Variants in CABCOCO1 observed in about 807,000 individuals in gnomAD.
CABCOCO1 encodes the protein ciliary-associated calcium-binding coiled-coil protein 1.
Under a neutral mutation model 35.7 loss-of-function variants are expected in CABCOCO1, and 28 were observed. The ratio of observed to expected loss-of-function variants is 0.78; its 90% CI spans 0.58 to 1.07. The LOEUF (loss-of-function observed/expected upper bound fraction) is 1.07. Among genes scored for constraint, CABCOCO1 ranks in the 50% least tolerant of loss-of-function variants. The pLI is 0.00. For synonymous variants in CABCOCO1, 95 were observed against 100.1 expected (o/e 0.95, Z 0.30); for missense variants, 326 against 309.2 (o/e 1.05, Z -0.41).
chr10:61,731,826 C>A (rs1841311428), intron 5 of CABCOCO1, among the ~76,000 whole-genome samples: 1 of 151,446 alleles, frequency 6.6e-6, no homozygotes, highest in South Asian at 2.1e-4. Context: ...AAAGGGAGAT[C>A]TTTTAGTACC....
rs1343322908 is a variant in CABCOCO1 at position 61,667,096 on chromosome 10, T to G, written c.60+4064T>G. Among the ~76,000 whole-genome samples, 3 of 143,612 alleles carry G rather than the reference T, an allele frequency of 2.1e-5. No individual in the cohort carries two copies. In the East Asian group the frequency reaches 5.9e-4, roughly 28 times the overall value. The allele number at this position is 143,612 out of a possible 152,430, so 94.2% of individuals were successfully genotyped here. A position where few individuals can be genotyped will look rare whatever the true frequency, so the allele number is the denominator to read the frequency against. ...GTATATATTATATATAAATTTCATATAGTATATATAAATATAATTATATAT... is the reference window on the plus strand; with the variant it reads ...GTATATATTATATATAAATTTCATAGAGTATATATAAATATAATTATATAT... On this transcript the variant is annotated intron_variant, in intron 1 of 7. Coordinates refer to ENST00000648843, the MANE Select transcript of CABCOCO1 (RefSeq NM_001366906.2).
Position 61,681,317 on chromosome 10 carries a change from G to T in CABCOCO1, c.334+5G>T, listed in dbSNP as rs1564533300. On this transcript the variant is annotated splice_donor_5th_base_variant and intron_variant, in intron 3 of 7. Coordinates refer to ENST00000648843, the MANE Select transcript of CABCOCO1 (RefSeq NM_001366906.2). ...TGTCACTTCAAAATCTTAAAAGTAAGTACACTATTTTCCTTTGAAGTAAAA... is the reference window on the plus strand; with the variant it reads ...TGTCACTTCAAAATCTTAAAAGTAATTACACTATTTTCCTTTGAAGTAAAA... The T allele has an allele frequency of 6.6e-7, 1 of 1,522,446 alleles. No individual in the cohort carries two copies. Among genetic ancestry groups the T allele is most frequent in the Non-Finnish European group, 9.0e-7 (1 of 1,114,268 alleles). 94.3% of individuals were successfully genotyped at this position (1,522,446 alleles called of 1,614,324 possible). A position where few individuals can be genotyped will look rare whatever the true frequency, so the allele number is the denominator to read the frequency against.
At chr10:61,683,421 T>A (rs1180786654) in intron 3 of CABCOCO1, among the ~76,000 whole-genome samples, 2 of 151,658 alleles carry the variant, frequency 1.3e-5, no homozygotes, top group Non-Finnish European at 2.9e-5. Flanking sequence ...ATTAACTGGG[T>A]ATGGTGGCCC....
chr10:61,705,423 A>G (rs755285381), intron 5 of CABCOCO1, among the ~76,000 whole-genome samples: 3 of 152,122 alleles, frequency 2.0e-5, no homozygotes, highest in Non-Finnish European at 4.4e-5. Context: ...CATTCCCAGT[A>G]CTCTGGAGAC....
At chr10:61,718,769 G>T (rs1346722340) in intron 5 of CABCOCO1, among the ~76,000 whole-genome samples, 1 of 152,050 alleles carries the variant, frequency 6.6e-6, no homozygotes, top group East Asian at 1.9e-4. Flanking sequence ...TTTATCTAAT[G>T]AAAGGTATTA....
intron 2 of CABCOCO1, among the ~76,000 whole-genome samples, chr10:61,673,443 G>A (rs909455632): frequency 1.3e-5 from 2 of 152,164 alleles, no homozygotes; most frequent in Non-Finnish European, 2.9e-5. Context: ...GAGTGGGGAT[G>A]ATGTCATGCA....
chr10:61,756,446 C>G (rs1326251415), intron 5 of CABCOCO1, among the ~76,000 whole-genome samples: 3 of 152,000 alleles, frequency 2.0e-5, no homozygotes, highest in African/African-American at 7.2e-5. Flanking sequence ...TTTATTAGAG[C>G]TTTTAATGTA....
intron 2 of CABCOCO1, among the ~76,000 whole-genome samples, chr10:61,674,082 ATAT>A (rs1421185331): frequency 6.6e-6 from 1 of 152,170 alleles, no homozygotes; most frequent in Admixed American, 6.5e-5. Context: ...CAAGTAAAAG[ATAT>A]TATATTAAAT....
rs1459150980 is a variant in CABCOCO1, at chr10:61,680,564, T to TATGTTATATAACATATTATA, written c.165-579_165-578insATGTTATATAACATATTATA. Among the ~76,000 whole-genome samples the TATGTTATATAACATATTATA allele has an allele frequency of 1.1e-4, 2 of 17,900 alleles. 1 individual carries two copies. Among genetic ancestry groups the TATGTTATATAACATATTATA allele is most frequent in the Non-Finnish European group, 2.8e-4 (2 of 7,236 alleles). The allele number at this position is 17,900 out of a possible 152,430, so 11.7% of individuals were successfully genotyped here. A position where few individuals can be genotyped will look rare whatever the true frequency, so the allele number is the denominator to read the frequency against. On this transcript the variant is annotated intron_variant, in intron 2 of 7. Coordinates refer to ENST00000648843, the MANE Select transcript of CABCOCO1 (RefSeq NM_001366906.2). The stretch of plus-strand genomic sequence containing the variant: ...GTTATATATAACATATAATATATAT[T>TATGTTATATAACATATTATA]TGTATATATTATGTTATATATAACA...
rs1841803886 is a variant in CABCOCO1, at chr10:61,752,227, G to C, written c.553-7832G>C. 2.0e-5 allele frequency among the ~76,000 whole-genome samples: 3 copies of C among 152,240 alleles called. No homozygotes were observed. The South Asian group carries it at 6.2e-4, about 32-fold the overall frequency. On this transcript the variant is annotated intron_variant, in intron 5 of 7. Coordinates refer to ENST00000648843, the MANE Select transcript of CABCOCO1 (RefSeq NM_001366906.2). The stretch of plus-strand genomic sequence containing the variant: ...GGAAGGGCTTGGGTGCTCACTGAAA[G>C]TGTCCTGTTTCTAGAATGCCAAGCA...
intron 5 of CABCOCO1, among the ~76,000 whole-genome samples, chr10:61,703,932 T>A (rs1178197425): frequency 6.6e-6 from 1 of 151,924 alleles, no homozygotes; most frequent in African/African-American, 2.4e-5. Context: ...TGTGCAAAGG[T>A]CAGGCGCAGT....
At chr10:61,763,589 C>G (rs1273062900) in intron 7 of CABCOCO1, among the ~76,000 whole-genome samples, 2 of 151,918 alleles carry the variant, frequency 1.3e-5, no homozygotes, top group African/African-American at 2.4e-5. Context: ...AATGCTAACA[C>G]TAAATTCTTA....
intron 2 of CABCOCO1, among the ~76,000 whole-genome samples, chr10:61,678,531 A>G (rs952031701): frequency 3.2e-4 from 48 of 152,114 alleles, no homozygotes; most frequent in African/African-American, 1.1e-3. Context: ...AATTAAAAAT[A>G]CACAATGTTC....
chr10:61,715,449 G>A (rs556298118), intron 5 of CABCOCO1, among the ~76,000 whole-genome samples: 2 of 152,202 alleles, frequency 1.3e-5, no homozygotes, highest in Admixed American at 1.3e-4. Context: ...ACACTGATGG[G>A]TCTTGACTCT....
chr10:61,741,820 A>G (rs1841554667), intron 5 of CABCOCO1, among the ~76,000 whole-genome samples: 1 of 152,152 alleles, frequency 6.6e-6, no homozygotes, highest in African/African-American at 2.4e-5. Flanking sequence ...CTATTTTTGG[A>G]ATTTGTCAGC....
At chr10:61,752,031 G>A (rs2248518) in intron 5 of CABCOCO1, among the ~76,000 whole-genome samples, 96,318 of 152,030 alleles carry the variant, frequency 0.63, 31,657 homozygotes, top group South Asian at 0.76. Context: ...TATGTACACC[G>A]TTGTCCACAA....
chr10:61,742,182 G>C (rs1351547987), intron 5 of CABCOCO1, among the ~76,000 whole-genome samples: 2 of 152,168 alleles, frequency 1.3e-5, no homozygotes, highest in Non-Finnish European at 2.9e-5. Context: ...GATTCAGTTT[G>C]AGTAGCTGCA....
chr10:61,690,453 G>T (rs1443960341), intron 4 of CABCOCO1, 96 bp from the exon 5 acceptor site: 3 of 735,702 alleles, frequency 4.1e-6, no homozygotes, highest in South Asian at 1.9e-5. Flanking sequence ...GCATTAGTTT[G>T]GTCAATATGA....
intron 5 of CABCOCO1, among the ~76,000 whole-genome samples, chr10:61,724,860 T>C (rs953756792): frequency 3.3e-5 from 5 of 152,124 alleles, no homozygotes; most frequent in African/African-American, 9.7e-5. Flanking sequence ...ATACCTAATG[T>C]AAATGACGAG....
Sources: gnomAD v4.1 joint callset for allele counts (sites outside exome capture counted in the v4.1 genomes callset) on GRCh38, gnomAD v4.1.1 for gene constraint, MANE v1.5 for transcripts, NCBI Gene and HGNC (gene_info 2026-07-23, HGNC 2026-07-21) for gene names.